The following MLIP variants were observed in gnomAD, a reference collection of about 807,000 sequenced individuals.
MLIP encodes the protein muscular LMNA interacting protein, also known as muscular LMNA-interacting protein.
A neutral mutation model predicts 84.8 loss-of-function variants in MLIP; 79 were observed. The ratio of observed to expected loss-of-function variants is 0.93; its 90% CI spans 0.78 to 1.12. The LOEUF (loss-of-function observed/expected upper bound fraction) is 1.12. Among genes scored for constraint, MLIP ranks in the 50% most tolerant of loss-of-function variants. The probability of loss-of-function intolerance (pLI) is 0.00; values close to 1 mark genes in which losing one functional copy is unlikely to be tolerated. For missense variants in MLIP, 1,257 were observed against 1,160.6 expected, an observed-to-expected ratio of 1.08 and a Z score of -1.21; for synonymous variants, 504 against 463.0, an observed-to-expected ratio of 1.09 and a Z score of -1.14.
At chr6:54,167,460 A>C (rs1775311787) in intron 8 of MLIP, among the ~76,000 whole-genome samples, 1 of 151,728 alleles carries the variant, frequency 6.6e-6, no homozygotes, top group African/African-American at 2.4e-5. Context: ...TACTGTGAAA[A>C]ATTTTCAGCT....
intron 5 of MLIP, among the ~76,000 whole-genome samples, chr6:54,155,853 C>A (rs562263264): frequency 6.6e-6 from 1 of 152,032 alleles, no homozygotes; most frequent in Non-Finnish European, 1.5e-5. Flanking sequence ...AAACTACCAA[C>A]ACTTGTAATG....
At chr6:54,071,143 AG>A (rs1477884003) in intron 1 of MLIP, among the ~76,000 whole-genome samples, 1 of 152,114 alleles carries the variant, frequency 6.6e-6, no homozygotes, top group Non-Finnish European at 1.5e-5. Context: ...TCAGGAGGAG[AG>A]AAATGGTTTA....
At chr6:54,121,848 C>T (rs1294833988) in intron 2 of MLIP, among the ~76,000 whole-genome samples, 1 of 151,976 alleles carries the variant, frequency 6.6e-6, no homozygotes, top group Non-Finnish European at 1.5e-5. Context: ...CAAATTCTGC[C>T]TCCTGGCACA....
At chr6:54,265,841 C>A in intron 13 of MLIP, 109 bp from the exon 14 acceptor site, 1 of 1,002,188 alleles carries the variant, frequency 1.0e-6, no homozygotes, top group Non-Finnish European at 1.5e-6. Flanking sequence ...GTAGTATAAA[C>A]CATTTTTTTG....
rs1582269077 is a variant in MLIP at position 54,145,703 on chromosome 6, G to A, written c.2218-3353G>A. On this transcript the variant is annotated intron_variant, in intron 4 of 13. Coordinates refer to ENST00000502396, the MANE Select transcript of MLIP (RefSeq NM_001281747.2). ...AGGTGGAAGAATTGCTTGAGCTCAG[G>A]AGTTAGAGGCTGTAGTGAGTTGTGA... Among the ~76,000 whole-genome samples the A allele has an allele frequency of 2.6e-5, 4 of 151,984 alleles. 1 individual carries two copies. In the East Asian group the frequency reaches 7.7e-4, roughly 29 times the overall value.
chr6:54,230,993 G>T, intron 12 of MLIP, 76 bp downstream of exon 12: 3 of 1,225,316 alleles, frequency 2.4e-6, no homozygotes, highest in Non-Finnish European at 3.5e-6. Context: ...AAACTTAAAT[G>T]TGGAGGAAAC....
At chr6:54,032,717 C>T (rs924517912) in intron 1 of MLIP, among the ~76,000 whole-genome samples, 1 of 152,084 alleles carries the variant, frequency 6.6e-6, no homozygotes, top group Non-Finnish European at 1.5e-5. Flanking sequence ...TCATGCCTGG[C>T]CAATTTTTGT....
intron 10 of MLIP, among the ~76,000 whole-genome samples, chr6:54,195,895 G>A (rs1325908047): frequency 6.6e-6 from 1 of 152,058 alleles, no homozygotes; most frequent in Non-Finnish European, 1.5e-5. Context: ...CATGAACAGA[G>A]GGAGAAAAAC....
chr6:54,214,625 T>C (rs1439471304), intron 11 of MLIP, among the ~76,000 whole-genome samples: 1 of 152,200 alleles, frequency 6.6e-6, no homozygotes, highest in Non-Finnish European at 1.5e-5. Flanking sequence ...TGAAACCCAG[T>C]TTTTTCTCTG....
Position 54,138,114 on chromosome 6 carries a change from A to C in MLIP, c.2045A>C (p.His682Pro), listed in dbSNP as rs1168373599. The C allele has an allele frequency of 4.3e-5, 66 of 1,535,928 alleles. No homozygotes were observed. The highest frequency in any genetic ancestry group is 5.4e-5 in the Non-Finnish European group (62 of 1,146,872). ...PQLSPSALHP[H>P]CGSGTLPSRL... ...CTCAGTCCCTCAGCTCTGCACCCACATTGCGGCAGTGGTACCTTGCCTTCA... is the reference window on the plus strand; with the variant it reads ...CTCAGTCCCTCAGCTCTGCACCCACCTTGCGGCAGTGGTACCTTGCCTTCA... Residue 682 changes from histidine to proline, a missense_variant, in exon 4 of 14, where the codon CAT becomes CCT. His to Pro is a moderately conservative substitution (Grantham distance 77). Transcript: ENST00000502396.
intron 1 of MLIP, among the ~76,000 whole-genome samples, chr6:54,083,165 G>C (rs945696301): frequency 1.3e-5 from 2 of 151,898 alleles, no homozygotes; most frequent in African/African-American, 4.8e-5. Flanking sequence ...AGGCATTTCT[G>C]TCAACCCTAA....
At chr6:54,151,435 A>C (rs1035636239) in intron 5 of MLIP, among the ~76,000 whole-genome samples, 3 of 152,162 alleles carry the variant, frequency 2.0e-5, no homozygotes, top group Admixed American at 6.6e-5. Context: ...ATGCCACTGA[A>C]ATAAAAGGGA....
At chr6:54,228,488 C>T (rs1441341598) in intron 11 of MLIP, among the ~76,000 whole-genome samples, 2 of 152,210 alleles carry the variant, frequency 1.3e-5, no homozygotes, top group Non-Finnish European at 2.9e-5. Flanking sequence ...TCCCTCCCTG[C>T]CCAGCTGCCT....
chr6:54,221,008 C>T (rs1158272455), intron 11 of MLIP, among the ~76,000 whole-genome samples: 3 of 152,150 alleles, frequency 2.0e-5, no homozygotes, highest in East Asian at 1.9e-4. Flanking sequence ...TGGGATCATT[C>T]GGAGTTTCTC....
chr6:54,065,514 A>G lies in MLIP; in HGVS notation c.63+46423A>G, dbSNP rs1391340794. On this transcript the variant is annotated intron_variant, in intron 1 of 12. Transcript: ENST00000274897. Reference sequence around the variant, plus strand: ...AATTACAAAAGTCTTAAACAACAGCAGAAGGGCATTCGAGAAAATACAAGG... The same window carrying G: ...AATTACAAAAGTCTTAAACAACAGCGGAAGGGCATTCGAGAAAATACAAGG... Among the ~76,000 whole-genome samples, 2 of 101,144 alleles carry G rather than the reference A, an allele frequency of 2.0e-5. 1 individual carries two copies. The highest frequency in any genetic ancestry group is 5.7e-5 in the Non-Finnish European group (2 of 35,156). The allele number at this position is 101,144 out of a possible 152,430, so 66.4% of individuals were successfully genotyped here.
chr6:54,266,136 C>T lies in MLIP; in HGVS notation c.*181C>T, dbSNP rs1783670503. ...ATATAGCATCACAGTGCTCTGCTAA[C>T]AGCCAGCATAGAAGAGATTTACCTA... On this transcript the variant is annotated 3_prime_UTR_variant, in exon 14 of 14. Coordinates refer to ENST00000502396, the MANE Select transcript of MLIP (RefSeq NM_001281747.2). The T allele has an allele frequency of 4.8e-6, 3 of 623,526 alleles. No individual in the cohort carries two copies. The highest frequency in any genetic ancestry group is 8.6e-6 in the Non-Finnish European group (3 of 348,212). The allele number at this position is 623,526 out of a possible 1,614,324, so 38.6% of individuals were successfully genotyped here. A position where few individuals can be genotyped will look rare whatever the true frequency, so the allele number is the denominator to read the frequency against.
chr6:54,053,428 A>C (rs1765482327), intron 1 of MLIP, among the ~76,000 whole-genome samples: 1 of 152,152 alleles, frequency 6.6e-6, no homozygotes, highest in South Asian at 2.1e-4. Context: ...TTTTTCTCCT[A>C]CTTCTCATTC....
intron 12 of MLIP, among the ~76,000 whole-genome samples, chr6:54,246,036 T>C (rs545899303): frequency 6.6e-6 from 1 of 152,274 alleles, no homozygotes; most frequent in South Asian, 2.1e-4. Context: ...AACTCAGACA[T>C]TTAACTTACA....
chr6:54,212,691 A>G (rs903736324), intron 11 of MLIP, among the ~76,000 whole-genome samples: 1 of 152,120 alleles, frequency 6.6e-6, no homozygotes, highest in East Asian at 1.9e-4. Flanking sequence ...GAAATCATCA[A>G]TATGATTTAT....
Sources: gnomAD v4.1 joint callset for allele counts (sites outside exome capture counted in the v4.1 genomes callset) on GRCh38, gnomAD v4.1.1 for gene constraint, MANE v1.5 for transcripts, NCBI Gene and HGNC (gene_info 2026-07-23, HGNC 2026-07-21) for gene names.